OTUD5: variants seen among roughly 807,000 people sequenced by gnomAD.
The protein encoded by OTUD5 is OTU domain-containing protein 5.
OTUD5 carries 2 observed loss-of-function variants against 36.3 expected under a neutral mutation model. The observed-to-expected ratio is 0.06, with a 90% CI of 0.02 to 0.17. OTUD5 has a LOEUF of 0.17. OTUD5 is among the 10% of genes least tolerant of loss of function. The pLI is 1.00. For missense variants in OTUD5, 233 were observed against 512.3 expected, an observed-to-expected ratio of 0.45 and a Z score of 5.26; for synonymous variants, 234 against 214.9, an observed-to-expected ratio of 1.09 and a Z score of -0.78.
chrX:48,934,192 G>A (rs1557049400), intron 5 of OTUD5, among the ~76,000 whole-genome samples: 1 of 111,615 alleles, frequency 9.0e-6, no homozygotes, highest in Non-Finnish European at 1.9e-5. Flanking sequence ...CTGGCTCACT[G>A]CTCCAAAATA....
At chrX:48,947,708 A>G (rs76487831) in intron 1 of OTUD5, among the ~76,000 whole-genome samples, 26 of 100,951 alleles carry the variant, frequency 2.6e-4, no homozygotes, top group Non-Finnish European at 3.7e-4. Context: ...TGTCTCAAGG[A>G]AAAAAAAAAA....
At chrX:48,933,910 A>AG (rs1569514449) in intron 5 of OTUD5, among the ~76,000 whole-genome samples, 6 of 109,926 alleles carry the variant, frequency 5.5e-5, no homozygotes, top group African/African-American at 2.0e-4. Context: ...AAATGACTGT[A>AG]AGAGAGAGAG....
intron 5 of OTUD5, among the ~76,000 whole-genome samples, chrX:48,929,450 G>A (rs1557048354): frequency 9.0e-6 from 1 of 110,509 alleles, no homozygotes; most frequent in African/African-American, 3.3e-5. Flanking sequence ...GGCCAGCGCG[G>A]TGGCTCATGC....
intron 5 of OTUD5, among the ~76,000 whole-genome samples, chrX:48,926,593 T>A: frequency 9.0e-6 from 1 of 111,428 alleles, no homozygotes; most frequent in Non-Finnish European, 1.9e-5. Flanking sequence ...CCTCAGGTGA[T>A]CCACCCGACT....
At chrX:48,941,861 A>T (rs1024401141) in intron 2 of OTUD5, among the ~76,000 whole-genome samples, 8 of 111,579 alleles carry the variant, frequency 7.2e-5, no homozygotes, top group Non-Finnish European at 1.9e-5. Context: ...TGTATTATGC[A>T]CTCTGCACCA....
upstream of OTUD5, chrX:48,957,738 G>A (rs2064281395): frequency 2.5e-6 from 2 of 789,690 alleles, no homozygotes; most frequent in Admixed American, 1.7e-4. Flanking sequence ...AGGCGGCGGC[G>A]GCGGCGGCGG....
intron 2 of OTUD5, 25 bp downstream of exon 2, chrX:48,944,165 C>A (rs1557051785): frequency 8.9e-7 from 1 of 1,117,665 alleles, no homozygotes; most frequent in Non-Finnish European, 1.2e-6. Context: ...GCCCTAGGCC[C>A]TTAAGGACTA....
At chrX:48,939,550 G>C (rs190267049) in intron 2 of OTUD5, among the ~76,000 whole-genome samples, 19 of 111,597 alleles carry the variant, frequency 1.7e-4, no homozygotes, top group African/African-American at 6.2e-4. Flanking sequence ...CCACAACAGA[G>C]AACTATCACA....
rs782671814 is a variant in OTUD5 at position 48,925,925 on chromosome X, C to T, written c.1185G>A (p.Glu395=). The change falls in exon 6 of 9, where the codon GAG becomes GAA. Residue 395 remains glutamate (E), a synonymous_variant. Coordinates refer to ENST00000376488, the MANE Select transcript of OTUD5 (RefSeq NM_001136157.2). ...GCAGGTAGGATTCCCGAGCCACCTG[C>T]TCCTCGATGGCTTCATTTGTGGCCT... ...DWEATNEAIE[E]QVARESYLQW... is the part of the protein sequence containing the mutation. 19 of 1,209,272 alleles carry T rather than the reference C, an allele frequency of 1.6e-5. No homozygotes were observed. The highest frequency in any genetic ancestry group is 2.1e-5 in the Non-Finnish European group (19 of 894,541).
At chrX:48,957,952 T>C (rs1557056273), upstream of OTUD5, 9 of 435,013 alleles carry the variant, frequency 2.1e-5, no homozygotes, top group Non-Finnish European at 2.6e-5. Context: ...CACTACCGGG[T>C]GGGGCCCCGG....
At chrX:48,924,286 T>C (rs2063629342) in intron 6 of OTUD5, among the ~76,000 whole-genome samples, 1 of 111,284 alleles carries the variant, frequency 9.0e-6, no homozygotes, top group Non-Finnish European at 1.9e-5. Flanking sequence ...CCCTGTTACC[T>C]CTATCTTGAA....
intron 2 of OTUD5, among the ~76,000 whole-genome samples, chrX:48,937,227 C>T (rs1052044249): frequency 2.7e-5 from 3 of 112,022 alleles, no homozygotes; most frequent in Non-Finnish European, 5.6e-5. Flanking sequence ...AGGCTGGGGG[C>T]CCCCTGCTGC....
chrX:48,930,331 T>A (rs2063732555), intron 5 of OTUD5, among the ~76,000 whole-genome samples: 1 of 111,687 alleles, frequency 9.0e-6, no homozygotes. Context: ...CATAAATGGA[T>A]GGTAGGAACC....
intron 2 of OTUD5, among the ~76,000 whole-genome samples, chrX:48,941,355 C>T (rs1456157213): frequency 6.2e-5 from 6 of 96,296 alleles, no homozygotes; most frequent in African/African-American, 2.4e-4. Context: ...CACTTGAACC[C>T]GGGAGGCAGA....
chrX:48,935,081 A>G, intron 2 of OTUD5, 63 bp from the exon 3 acceptor site: 1 of 1,034,083 alleles, frequency 9.7e-7, no homozygotes, highest in Non-Finnish European at 1.3e-6. Flanking sequence ...TCTGAATCAT[A>G]GAACATCCTT....
chrX:48,926,437 G>A (rs1316849976), intron 5 of OTUD5, among the ~76,000 whole-genome samples: 1 of 108,461 alleles, frequency 9.2e-6, no homozygotes, highest in African/African-American at 3.4e-5. Context: ...TGCAACCTCC[G>A]CCTCCCAGGT....
At chrX:48,937,305 C>A (rs943176821) in intron 2 of OTUD5, among the ~76,000 whole-genome samples, 18 of 112,195 alleles carry the variant, frequency 1.6e-4, no homozygotes, top group African/African-American at 5.5e-4. Context: ...TTTCTGTAGA[C>A]TGAGCTTGGG....
At chrX:48,948,928 G>C (rs991783286) in intron 1 of OTUD5, among the ~76,000 whole-genome samples, 2 of 111,879 alleles carry the variant, frequency 1.8e-5, no homozygotes, top group African/African-American at 6.5e-5. Flanking sequence ...CTGTAACCTA[G>C]TGGTCTAAGG....
At chrX:48,943,891 C>G (rs2063976164) in intron 2 of OTUD5, among the ~76,000 whole-genome samples, 1 of 111,945 alleles carries the variant, frequency 8.9e-6, no homozygotes, top group Non-Finnish European at 1.9e-5. Flanking sequence ...AACAGTAGTC[C>G]CTACACTCAC....
Sources: allele counts gnomAD v4.1 joint callset (sites outside exome capture counted in the v4.1 genomes callset), GRCh38; gene constraint gnomAD v4.1.1; transcripts MANE v1.5; gene names NCBI Gene and HGNC (gene_info 2026-07-23, HGNC 2026-07-21).